Variants in MGAT5 observed in about 807,000 individuals in gnomAD.
The protein encoded by MGAT5 is alpha-1,6-mannosylglycoprotein 6-beta-N-acetylglucosaminyltransferase.
Under a neutral mutation model 94.3 loss-of-function variants are expected in MGAT5, and 30 were observed. That is an observed-to-expected ratio of 0.32 (90% CI 0.24 to 0.43). The LOEUF (loss-of-function observed/expected upper bound fraction) is 0.43, where lower values mean the gene tolerates loss of function less well. MGAT5 is among the 20% of genes least tolerant of loss of function. The probability of loss-of-function intolerance (pLI) is 1.00; values close to 1 mark genes in which losing one functional copy is unlikely to be tolerated. For missense variants in MGAT5, 691 were observed against 905.5 expected, an observed-to-expected ratio of 0.76 and a Z score of 3.04; for synonymous variants, 310 against 322.9, an observed-to-expected ratio of 0.96 and a Z score of 0.43.
intron 1 of MGAT5, among the ~76,000 whole-genome samples, chr2:134,195,743 G>A (rs926903136): frequency 1.3e-5 from 2 of 152,172 alleles, no homozygotes; most frequent in Non-Finnish European, 2.9e-5. Context: ...TCTGGTGTGC[G>A]TGAGCCTGTG....
chr2:134,420,535 G>A (rs924537919), intron 12 of MGAT5, among the ~76,000 whole-genome samples: 1 of 152,158 alleles, frequency 6.6e-6, no homozygotes, highest in African/African-American at 2.4e-5. Flanking sequence ...GCACATGCAT[G>A]CTCTTGGTGT....
At chr2:134,284,474 G>A (rs1684887114) in intron 2 of MGAT5, among the ~76,000 whole-genome samples, 3 of 151,972 alleles carry the variant, frequency 2.0e-5, no homozygotes, top group Admixed American at 2.0e-4. Flanking sequence ...TACAGAAAAA[G>A]TTTGCCAACC....
At position 134,344,905 on chromosome 2, in the gene MGAT5, C is replaced by T. The variant is rs1467454435; in HGVS notation, c.978-25C>T. 7 of 1,603,816 alleles carry T rather than the reference C, an allele frequency of 4.4e-6. No individual in the cohort carries two copies. The Admixed American group carries it at 1.0e-4, about 23-fold the overall frequency. ...AGTAAATGATTTTTCTCTTTTTTCT[C>T]CCCTCTCTTTTGCCGTTTCTCTAGA... On this transcript the variant is annotated intron_variant, in intron 7 of 15. Coordinates refer to ENST00000281923, the MANE Select transcript of MGAT5 (RefSeq NM_002410.5).
intron 1 of MGAT5, among the ~76,000 whole-genome samples, chr2:134,123,981 C>G (rs545845636): frequency 1.3e-5 from 2 of 152,302 alleles, no homozygotes; most frequent in South Asian, 4.1e-4. Flanking sequence ...ATCTCTCCAA[C>G]CCTTAAAGTC....
At chr2:134,366,325 ATTAC>A (rs1207449150) in intron 10 of MGAT5, among the ~76,000 whole-genome samples, 1 of 152,232 alleles carries the variant, frequency 6.6e-6, no homozygotes, top group African/African-American at 2.4e-5. Context: ...TGTTAACTAT[ATTAC>A]TTTAATTTCT....
chr2:134,187,064 A>G lies in MGAT5; in HGVS notation c.-143+66773A>G, dbSNP rs1689078640. Among the ~76,000 whole-genome samples the G allele has an allele frequency of 1.3e-5, 2 of 152,148 alleles. 1 individual carries two copies. Among genetic ancestry groups the G allele is most frequent in the African/African-American group, 4.8e-5 (2 of 41,440 alleles). The stretch of plus-strand genomic sequence containing the variant: ...TACCTGCAGGGGCCTTGAGGCAGGA[A>G]CAAACTTGACCTAGCTTGAGGGCCG... On this transcript the variant is annotated intron_variant, in intron 1 of 16. Transcript: ENST00000409645.
chr2:134,303,268 G>A (rs1686139768), intron 2 of MGAT5, among the ~76,000 whole-genome samples: 1 of 151,942 alleles, frequency 6.6e-6, no homozygotes, highest in Non-Finnish European at 1.5e-5. Context: ...TCCAACAGTT[G>A]CGTCATCTTG....
chr2:134,190,700 G>A (rs1335532685), intron 1 of MGAT5, among the ~76,000 whole-genome samples: 2 of 151,852 alleles, frequency 1.3e-5, no homozygotes, highest in East Asian at 3.9e-4. Flanking sequence ...CTGGAGTGCC[G>A]TGGCATGATC....
At chr2:134,265,817 A>T (rs1211013012) in intron 1 of MGAT5, among the ~76,000 whole-genome samples, 1 of 152,232 alleles carries the variant, frequency 6.6e-6, no homozygotes, top group Non-Finnish European at 1.5e-5. Context: ...TTCTATTTTT[A>T]TTAAACTATA....
chr2:134,279,540 T>C (rs1029104965), intron 2 of MGAT5, among the ~76,000 whole-genome samples: 2 of 152,224 alleles, frequency 1.3e-5, no homozygotes, highest in Non-Finnish European at 2.9e-5. Flanking sequence ...GCTTGTTTCA[T>C]TTCGAAAAGT....
chr2:134,121,533 T>A (rs762220270), intron 1 of MGAT5, among the ~76,000 whole-genome samples: 24 of 152,068 alleles, frequency 1.6e-4, no homozygotes, highest in Non-Finnish European at 2.1e-4. Context: ...GCGATGTGGA[T>A]GGATTTGGTA....
rs76181946 is a variant in MGAT5 at position 134,344,807 on chromosome 2, C to T, written c.978-123C>T. On this transcript the variant is annotated intron_variant, in intron 7 of 15. Transcript: ENST00000281923. ...ATATAGGTAGCAGATTTGAAAGGGC[C>T]ATGCTGTCATCTCTAAAAAGGATTT... 2,031 of 1,097,336 alleles carry T rather than the reference C, an allele frequency of 1.9e-3. 25 individuals are homozygous for T. In the African/African-American group the frequency reaches 0.029, roughly 16 times the overall value. 68.0% of individuals were successfully genotyped at this position (1,097,336 alleles called of 1,614,324 possible).
Position 134,254,435 on chromosome 2 carries a change from C to G in MGAT5, c.32C>G (p.Ser11Cys). MALFTPWKLSSQKLGFFLVTF... is the reference protein window; with the variant it reads MALFTPWKLSCQKLGFFLVTF... ...CTCTTCACTCCGTGGAAGTTGTCCT[C>G]TCAGAAGCTGGGCTTTTTCCTGGTG... Residue 11 changes from serine (S) to cysteine (C), a missense_variant, in exon 1 of 16, where the codon TCT (serine) becomes TGT (cysteine). By Grantham distance (112) the Ser-to-Cys change is moderately radical (BLOSUM62 -1). This residue lies in a region of MGAT5 where 307 missense variants were observed against 335.4 expected (regional missense o/e 0.92). Transcript: ENST00000281923. The G allele has an allele frequency of 6.2e-7, 1 of 1,614,242 alleles. No individual in the cohort carries two copies. Among genetic ancestry groups the G allele is most frequent in the Non-Finnish European group, 8.5e-7 (1 of 1,180,046 alleles).
At chr2:134,373,852 G>T (rs1326196341) in intron 10 of MGAT5, among the ~76,000 whole-genome samples, 1 of 152,198 alleles carries the variant, frequency 6.6e-6, no homozygotes, top group African/African-American at 2.4e-5. Context: ...AGAACTGGGG[G>T]CTTCATTTGG....
chr2:134,196,697 G>A (rs901793150), intron 1 of MGAT5, among the ~76,000 whole-genome samples: 28 of 152,214 alleles, frequency 1.8e-4, no homozygotes, highest in African/African-American at 6.5e-4. Context: ...GGCCCAGGAC[G>A]GCTTTGAATG....
chr2:134,439,461 T>TTA (rs1685353229), intron 14 of MGAT5, among the ~76,000 whole-genome samples: 3 of 151,840 alleles, frequency 2.0e-5, no homozygotes, highest in African/African-American at 7.3e-5. Context: ...CTTTGGGAGG[T>TTA]TGAGGTGGGC....
chr2:134,328,449 G>T (rs1473355699), intron 4 of MGAT5, among the ~76,000 whole-genome samples: 1 of 151,996 alleles, frequency 6.6e-6, no homozygotes, highest in Non-Finnish European at 1.5e-5. Context: ...TTTCAGTCTG[G>T]TTTCTCCTCA....
chr2:134,333,989 C>T (rs963893922), intron 4 of MGAT5, among the ~76,000 whole-genome samples: 1 of 151,848 alleles, frequency 6.6e-6, no homozygotes, highest in Admixed American at 6.6e-5. Flanking sequence ...ACAAAAACAA[C>T]CTTAAAAACC....
chr2:134,185,119 G>A (rs1302820905), intron 1 of MGAT5, among the ~76,000 whole-genome samples: 1 of 152,118 alleles, frequency 6.6e-6, no homozygotes, highest in Non-Finnish European at 1.5e-5. Flanking sequence ...ATGATATGAT[G>A]GACTTTGGGG....
Sources: gnomAD v4.1 joint callset for allele counts (sites outside exome capture counted in the v4.1 genomes callset) on GRCh38, gnomAD v4.1.1 for gene constraint, gnomAD v4.1.1 regional missense constraint, MANE v1.5 for transcripts, NCBI Gene and HGNC (gene_info 2026-07-23, HGNC 2026-07-21) for gene names.